GUCY1B1: variants seen among roughly 807,000 people sequenced by gnomAD.
GUCY1B1 encodes guanylate cyclase soluble subunit beta-1.
Under a neutral mutation model 71.0 loss-of-function variants are expected in GUCY1B1, and 43 were observed. That is an observed-to-expected ratio of 0.61 (90% CI 0.47 to 0.78). The LOEUF (loss-of-function observed/expected upper bound fraction) is 0.78. Among genes scored for constraint, GUCY1B1 ranks in the 30% least tolerant of loss-of-function variants. GUCY1B1 has a pLI of 0.00. For missense variants in GUCY1B1, 535 were observed against 754.1 expected, an observed-to-expected ratio of 0.71 and a Z score of 3.40; for synonymous variants, 266 against 259.7, an observed-to-expected ratio of 1.02 and a Z score of -0.23.
Position 155,786,674 on chromosome 4 carries a change from C to T in GUCY1B1, c.298-3040C>T, listed in dbSNP as rs181975253. Among the ~76,000 whole-genome samples the T allele has an allele frequency of 1.7e-3, 265 of 151,804 alleles. 1 individual carries two copies. The highest frequency in any genetic ancestry group is 2.8e-3 in the Non-Finnish European group (192 of 67,916). ...TCTCTTAGTAGAGACGGGGTTTCAC[C>T]GTGTTAGCCAGGATGGTCTTGATCT... On this transcript the variant is annotated intron_variant, in intron 4 of 13. Coordinates refer to ENST00000264424, the MANE Select transcript of GUCY1B1 (RefSeq NM_000857.5).
At chr4:155,770,723 G>C (rs925309625) in intron 2 of GUCY1B1, among the ~76,000 whole-genome samples, 2 of 152,158 alleles carry the variant, frequency 1.3e-5, no homozygotes, top group African/African-American at 4.8e-5. Flanking sequence ...AGAAAGGTTA[G>C]GTATAAGGTG....
At chr4:155,778,848 T>C (rs1427963792) in intron 4 of GUCY1B1, among the ~76,000 whole-genome samples, 1 of 152,224 alleles carries the variant, frequency 6.6e-6, no homozygotes, top group Non-Finnish European at 1.5e-5. Flanking sequence ...TTTTTAGTAC[T>C]TTTGTTGGCC....
At chr4:155,798,343 G>A (rs1384139972) in intron 8 of GUCY1B1, among the ~76,000 whole-genome samples, 1 of 152,162 alleles carries the variant, frequency 6.6e-6, no homozygotes, top group Non-Finnish European at 1.5e-5. Context: ...TATGATTTAA[G>A]TTTTGTAACT....
intron 4 of GUCY1B1, among the ~76,000 whole-genome samples, chr4:155,778,852 G>GT (rs925724588): frequency 6.6e-6 from 1 of 152,040 alleles, no homozygotes; most frequent in Non-Finnish European, 1.5e-5. Flanking sequence ...TAGTACTTTT[G>GT]TTGGCCACTA....
intron 3 of GUCY1B1, among the ~76,000 whole-genome samples, chr4:155,775,825 A>T (rs1374938799): frequency 2.0e-5 from 3 of 151,434 alleles, no homozygotes; most frequent in Admixed American, 6.5e-5. Context: ...GCAAAGTTTT[A>T]AAAATTTCAT....
chr4:155,785,548 A>C (rs1016743542), intron 4 of GUCY1B1, among the ~76,000 whole-genome samples: 1 of 152,174 alleles, frequency 6.6e-6, no homozygotes, highest in Admixed American at 6.5e-5. Context: ...AGCATTATCA[A>C]ATGTAGAAAG....
intron 13 of GUCY1B1, among the ~76,000 whole-genome samples, 184 bp from the exon 14 acceptor site, chr4:155,806,202 C>A (rs760087655): frequency 2.0e-5 from 3 of 152,136 alleles, no homozygotes; most frequent in African/African-American, 7.2e-5. Flanking sequence ...GCCGTAATTA[C>A]CTCAAACATT....
intron 2 of GUCY1B1, among the ~76,000 whole-genome samples, chr4:155,760,552 ACACC>A (rs1736933707): frequency 6.6e-6 from 1 of 150,464 alleles, no homozygotes; most frequent in Non-Finnish European, 1.5e-5. Context: ...CGGAAATACC[ACACC>A]CACCTGAGAG....
chr4:155,798,126 A>G (rs1484204930), intron 8 of GUCY1B1, among the ~76,000 whole-genome samples: 3 of 152,212 alleles, frequency 2.0e-5, no homozygotes, highest in Admixed American at 2.0e-4. Context: ...ATATGCAGAC[A>G]TTGGTCACCC....
intron 2 of GUCY1B1, among the ~76,000 whole-genome samples, chr4:155,767,039 G>A (rs188629869): frequency 3.0e-4 from 46 of 152,212 alleles, no homozygotes; most frequent in Non-Finnish European, 6.2e-4. Flanking sequence ...GAATAGAGGC[G>A]TAAAAGAAAG....
intron 4 of GUCY1B1, among the ~76,000 whole-genome samples, chr4:155,789,037 C>A (rs1738983118): frequency 6.6e-6 from 1 of 152,142 alleles, no homozygotes; most frequent in African/African-American, 2.4e-5. Context: ...GGCAAGGCTA[C>A]AAAAACAGAA....
chr4:155,774,225 G>A (rs775666702), intron 2 of GUCY1B1, among the ~76,000 whole-genome samples: 4 of 152,046 alleles, frequency 2.6e-5, no homozygotes, highest in African/African-American at 9.7e-5. Flanking sequence ...TCTCCTACCC[G>A]TTCCCTGATA....
At chr4:155,789,641 T>C (rs1017035228) in intron 4 of GUCY1B1, 73 bp from the exon 5 acceptor site, 11 of 850,408 alleles carry the variant, frequency 1.3e-5, no homozygotes, top group Admixed American at 2.3e-5. Flanking sequence ...CTCGTTTTCA[T>C]ATCTTGCTTT....
chr4:155,768,245 G>A (rs935818113), intron 2 of GUCY1B1, among the ~76,000 whole-genome samples: 1 of 152,126 alleles, frequency 6.6e-6, no homozygotes, highest in Non-Finnish European at 1.5e-5. Flanking sequence ...ATGTACAGTA[G>A]CAGGAGCTCA....
intron 2 of GUCY1B1, among the ~76,000 whole-genome samples, chr4:155,767,952 G>A (rs1690069446): frequency 6.6e-6 from 1 of 152,108 alleles, no homozygotes; most frequent in Non-Finnish European, 1.5e-5. Flanking sequence ...TCACTACAAT[G>A]GACCATTCTA....
intron 12 of GUCY1B1, 42 bp from the exon 13 acceptor site, chr4:155,805,061 T>C (rs1740222486): frequency 1.3e-6 from 2 of 1,568,970 alleles, no homozygotes; most frequent in Non-Finnish European, 1.7e-6. Flanking sequence ...CTATAAAACT[T>C]GTGTATACTT....
At chr4:155,764,945 T>C (rs1434983655) in intron 2 of GUCY1B1, among the ~76,000 whole-genome samples, 2 of 152,104 alleles carry the variant, frequency 1.3e-5, no homozygotes, top group South Asian at 2.1e-4. Context: ...GAGTTTTATT[T>C]TGGTTCTGAT....
intron 7 of GUCY1B1, among the ~76,000 whole-genome samples, 167 bp downstream of exon 7, chr4:155,795,624 G>A (rs548988460): frequency 3.9e-5 from 6 of 152,216 alleles, no homozygotes; most frequent in Admixed American, 2.0e-4. Context: ...GTTTGCCTGA[G>A]GAGCAGTGGA....
At chr4:155,806,088 T>A (rs1386317472) in intron 13 of GUCY1B1, among the ~76,000 whole-genome samples, 1 of 152,198 alleles carries the variant, frequency 6.6e-6, no homozygotes, top group East Asian at 1.9e-4. Context: ...CTAAAGGGAA[T>A]AGAATGCCAG....
Sources: allele counts gnomAD v4.1 joint callset (sites outside exome capture counted in the v4.1 genomes callset), GRCh38; gene constraint gnomAD v4.1.1; transcripts MANE v1.5; gene names NCBI Gene and HGNC (gene_info 2026-07-23, HGNC 2026-07-21).